The following WIPF3 variants were observed in gnomAD, a reference collection of about 807,000 sequenced individuals.
WIPF3 encodes the protein WAS/WASL interacting protein family member 3.
WIPF3 carries 33 observed loss-of-function variants against 38.9 expected under a neutral mutation model. The observed-to-expected ratio is 0.85, with a 90% CI of 0.64 to 1.14. WIPF3 has a LOEUF of 1.14. Among genes scored for constraint, WIPF3 ranks in the 50% most tolerant of loss-of-function variants. The pLI is 0.00. For missense variants in WIPF3, 711 were observed against 652.5 expected, an observed-to-expected ratio of 1.09 and a Z score of -0.98; for synonymous variants, 324 against 269.3, an observed-to-expected ratio of 1.20 and a Z score of -1.99.
In WIPF3 at chr7:29,884,143, C is replaced by G. The variant is rs780259388; in HGVS notation, c.649C>G (p.Pro217Ala). The G allele has an allele frequency of 2.0e-6, 3 of 1,524,228 alleles. No individual in the cohort carries two copies. Among genetic ancestry groups the G allele is most frequent in the Non-Finnish European group, 1.8e-6 (2 of 1,133,526 alleles). The allele number at this position is 1,524,228 out of a possible 1,614,324, so 94.4% of individuals were successfully genotyped here. The change falls in exon 5 of 9, where the codon CCC becomes GCC. Residue 217 changes from proline to alanine, a missense_variant. By Grantham distance (27) the Pro-to-Ala change is conservative (BLOSUM62 -1). Coordinates refer to ENST00000242140, the MANE Select transcript of WIPF3 (RefSeq NM_001080529.3). ...CAAAGGGAACCTCCCGGTGGTTGCA[C>G]CCCCCGTCCCCTGTGCGCCACCACC... is the stretch of plus-strand genomic sequence containing the variant. ...LTKGNLPVVA[P>A]PVPCAPPPPP...
chr7:29,838,111 G>A (rs1784843145), intron 2 of WIPF3, among the ~76,000 whole-genome samples: 1 of 152,144 alleles, frequency 6.6e-6, no homozygotes, highest in Non-Finnish European at 1.5e-5. Flanking sequence ...GTAGAGACGG[G>A]GTTTCACTGT....
At chr7:29,896,234 A>G (rs4722955) in intron 7 of WIPF3, among the ~76,000 whole-genome samples, 105,816 of 151,578 alleles carry the variant, frequency 0.7, 37,537 homozygotes, top group South Asian at 0.85. Context: ...ATTTGAGCCC[A>G]GGAGTTTGAG....
intron 2 of WIPF3, among the ~76,000 whole-genome samples, chr7:29,853,353 A>G (rs1464786748): frequency 6.6e-6 from 1 of 152,222 alleles, no homozygotes; most frequent in African/African-American, 2.4e-5. Context: ...GCAGGTGTGC[A>G]TGGGAGACCC....
At chr7:29,813,104 G>A (rs1784405113) in intron 1 of WIPF3, among the ~76,000 whole-genome samples, 1 of 152,138 alleles carries the variant, frequency 6.6e-6, no homozygotes, top group African/African-American at 2.4e-5. Context: ...TGACCACCAA[G>A]GACCCAAGGG....
chr7:29,875,305 C>G (rs774531001), intron 2 of WIPF3, among the ~76,000 whole-genome samples: 5 of 152,114 alleles, frequency 3.3e-5, no homozygotes, highest in Non-Finnish European at 4.4e-5. Context: ...ATGAGCCACC[C>G]AGGACCCAAT....
intron 2 of WIPF3, among the ~76,000 whole-genome samples, chr7:29,848,446 A>C (rs1370900165): frequency 6.6e-6 from 1 of 152,146 alleles, no homozygotes; most frequent in Admixed American, 6.5e-5. Flanking sequence ...CTCATGCAAG[A>C]ATTCTGGATC....
intron 2 of WIPF3, among the ~76,000 whole-genome samples, chr7:29,842,354 G>A (rs1049704455): frequency 1.8e-4 from 27 of 152,308 alleles, no homozygotes; most frequent in Non-Finnish European, 2.8e-4. Context: ...GAAAAGCAAC[G>A]CTCTAAGTAG....
chr7:29,838,077 C>A (rs566920550), intron 2 of WIPF3, among the ~76,000 whole-genome samples: 1 of 152,204 alleles, frequency 6.6e-6, no homozygotes, highest in Non-Finnish European at 1.5e-5. Flanking sequence ...CGCCACCACG[C>A]CCGGCTAATT....
chr7:29,890,848 A>G (rs2128077867), intron 7 of WIPF3, among the ~76,000 whole-genome samples: 2 of 115,628 alleles, frequency 1.7e-5, no homozygotes, highest in South Asian at 3.0e-4. Flanking sequence ...GCTCAGGTGG[A>G]GGGGATGTGG....
chr7:29,818,173 C>T (rs1784484371), intron 1 of WIPF3, among the ~76,000 whole-genome samples: 1 of 152,014 alleles, frequency 6.6e-6, no homozygotes, highest in Non-Finnish European at 1.5e-5. Flanking sequence ...ATTTTCCGGC[C>T]AGGCACAGTG....
rs143753892 is a variant in WIPF3 at position 29,876,776 on chromosome 7, A to G, written c.223+814A>G. The stretch of plus-strand genomic sequence containing the variant: ...TAAGAATTCTGTTTCAGAGGATGAT[A>G]TGACTGAAGCTTGCTGTCTTCTAGA... On this transcript the variant is annotated intron_variant, in intron 3 of 8. Transcript: ENST00000242140. Among the ~76,000 whole-genome samples, 183 of 152,296 alleles carry G rather than the reference A, an allele frequency of 1.2e-3. 2 individuals are homozygous for G. Among genetic ancestry groups the G allele is most frequent in the South Asian group, 3.3e-3 (16 of 4,832 alleles).
chr7:29,815,568 G>A (rs1397438046), intron 1 of WIPF3, among the ~76,000 whole-genome samples: 1 of 152,136 alleles, frequency 6.6e-6, no homozygotes, highest in African/African-American at 2.4e-5. Flanking sequence ...CTGTCCATAG[G>A]ATCTAGGGAG....
intron 2 of WIPF3, among the ~76,000 whole-genome samples, chr7:29,866,546 T>C (rs1164000490): frequency 1.3e-5 from 2 of 152,238 alleles, no homozygotes; most frequent in Non-Finnish European, 2.9e-5. Flanking sequence ...CTGTGCACTT[T>C]CCATTTTAAG....
At chr7:29,815,789 T>C (rs941644107) in intron 1 of WIPF3, among the ~76,000 whole-genome samples, 1 of 152,238 alleles carries the variant, frequency 6.6e-6, no homozygotes, top group African/African-American at 2.4e-5. Context: ...AGAATTAAAC[T>C]GTAGGGGTTA....
chr7:29,884,697 AG>A, intron 5 of WIPF3, 104 bp downstream of exon 5: 1 of 1,426,952 alleles, frequency 7.0e-7, no homozygotes, highest in Non-Finnish European at 9.2e-7. Flanking sequence ...GATGGACACC[AG>A]GGGTGAGGGA....
intron 1 of WIPF3, among the ~76,000 whole-genome samples, chr7:29,817,775 A>G (rs1316057851): frequency 1.3e-5 from 2 of 152,174 alleles, no homozygotes; most frequent in African/African-American, 2.4e-5. Flanking sequence ...TTATTATCCA[A>G]TGATTTTATT....
chr7:29,874,780 C>T (rs1474565663), intron 2 of WIPF3, among the ~76,000 whole-genome samples: 1 of 152,214 alleles, frequency 6.6e-6, no homozygotes, highest in Non-Finnish European at 1.5e-5. Context: ...GCTGAAGCTA[C>T]AGCTGAAGTG....
At chr7:29,832,653 A>G (rs1784739564) in intron 1 of WIPF3, among the ~76,000 whole-genome samples, 1 of 152,222 alleles carries the variant, frequency 6.6e-6, no homozygotes, top group African/African-American at 2.4e-5. Flanking sequence ...GTTGTGTACA[A>G]CAATCAGCTT....
At chr7:29,906,671 AAC>A (rs1786404154) in intron 8 of WIPF3, among the ~76,000 whole-genome samples, 1 of 152,210 alleles carries the variant, frequency 6.6e-6, no homozygotes, top group Non-Finnish European at 1.5e-5. Flanking sequence ...CATGAATATA[AAC>A]ATCCAAAATG....
Sources: allele counts gnomAD v4.1 joint callset (sites outside exome capture counted in the v4.1 genomes callset), GRCh38; gene constraint gnomAD v4.1.1; transcripts MANE v1.5; gene names NCBI Gene and HGNC (gene_info 2026-07-23, HGNC 2026-07-21).